DNAI4: variants seen among roughly 807,000 people sequenced by gnomAD.
DNAI4 encodes WD repeat domain 78.
In DNAI4, 85 loss-of-function variants were observed where a neutral mutation model predicts 105.8. The observed-to-expected ratio is 0.80, with a 90% CI of 0.67 to 0.96. DNAI4 has a LOEUF of 0.96. DNAI4 is among the 40% of genes least tolerant of loss of function. DNAI4 has a pLI of 0.00. For synonymous variants in DNAI4, 352 were observed against 331.5 expected (o/e 1.06, Z -0.67); for missense variants, 1,014 against 1,005.6 (o/e 1.01, Z -0.11).
intron 3 of DNAI4, among the ~76,000 whole-genome samples, 158 bp downstream of exon 3, chr1:66,893,071 A>AAGAAAAAG (rs1557965433): frequency 9.0e-5 from 11 of 122,454 alleles, no homozygotes; most frequent in African/African-American, 9.8e-5. Context: ...GAGAGAAAGA[A>AAGAAAAAG]AGAAAGAAAG....
intron 6 of DNAI4, among the ~76,000 whole-genome samples, chr1:66,864,994 T>C (rs1413804690): frequency 6.6e-6 from 1 of 152,220 alleles, no homozygotes; most frequent in Non-Finnish European, 1.5e-5. Flanking sequence ...GGTGAGTACA[T>C]GGTATTGATT....
chr1:66,855,358 C>G (rs1437930432), intron 7 of DNAI4, among the ~76,000 whole-genome samples: 1 of 152,154 alleles, frequency 6.6e-6, no homozygotes, highest in Non-Finnish European at 1.5e-5. Flanking sequence ...ATGCCTCCTT[C>G]TGAGATCTGT....
intron 1 of DNAI4, among the ~76,000 whole-genome samples, chr1:66,908,769 C>T (rs1649442838): frequency 1.3e-5 from 2 of 152,122 alleles, no homozygotes; most frequent in Non-Finnish European, 2.9e-5. Context: ...CCTTAATGTG[C>T]CAGCAATCTG....
intron 1 of DNAI4, among the ~76,000 whole-genome samples, chr1:66,914,552 C>T (rs1187455804): frequency 2.0e-5 from 3 of 152,138 alleles, no homozygotes; most frequent in Non-Finnish European, 4.4e-5. Context: ...CCTTCTAGCA[C>T]ATAAAACTTT....
intron 12 of DNAI4, 113 bp from the exon 13 acceptor site, chr1:66,833,819 T>A: frequency 7.0e-7 from 1 of 1,432,382 alleles, no homozygotes; most frequent in Non-Finnish European, 9.3e-7. Flanking sequence ...AACTTTTGCA[T>A]GTAATTAGGC....
intron 5 of DNAI4, 120 bp downstream of exon 5, chr1:66,874,661 C>T: frequency 2.3e-6 from 2 of 880,208 alleles, no homozygotes; most frequent in Non-Finnish European, 3.3e-6. Context: ...TACAGTCTCC[C>T]CCCAAACCCC....
chr1:66,847,553 C>A lies in DNAI4; in HGVS notation c.1222G>T (p.Glu408Ter). 1.2e-6 allele frequency: 2 copies of A among 1,613,948 alleles called. No homozygotes were observed. Among genetic ancestry groups the A allele is most frequent in the Middle Eastern group, 3.3e-4 (2 of 6,058 alleles). ...AATATATTTTCCATCAGAACCCGTT[C>A]CATAAAAAATAAGTCCTGATGAAAT... ...DKFHQDLFFM[E>*]RVLMENIFQP... Residue 408 changes from glutamate to a stop codon, truncating the protein, a stop_gained, in exon 8 of 17, where the codon GAA becomes TAA. Transcript: ENST00000371026. LOFTEE classifies it high-confidence loss of function.
chr1:66,879,270 G>A (rs1364130120), intron 4 of DNAI4, among the ~76,000 whole-genome samples: 2 of 152,138 alleles, frequency 1.3e-5, no homozygotes, highest in Non-Finnish European at 2.9e-5. Context: ...TGTCATATAA[G>A]TAGAATCAGA....
chr1:66,846,644 C>T (rs1010430256), intron 8 of DNAI4, among the ~76,000 whole-genome samples: 1 of 152,110 alleles, frequency 6.6e-6, no homozygotes, highest in East Asian at 1.9e-4. Flanking sequence ...ACACTTTGAG[C>T]TTTGTAATTT....
chr1:66,813,182 G>C lies in DNAI4; in HGVS notation c.*948C>G, dbSNP rs1239626874. 2 of 152,248 alleles carry C rather than the reference G, an allele frequency of 1.3e-5. No individual in the cohort carries two copies. Among genetic ancestry groups the C allele is most frequent in the Non-Finnish European group, 2.9e-5 (2 of 68,026 alleles). 9.4% of individuals were successfully genotyped at this position (152,248 alleles called of 1,614,324 possible). A position where few individuals can be genotyped will look rare whatever the true frequency, so the allele number is the denominator to read the frequency against. On this transcript the variant is annotated 3_prime_UTR_variant, in exon 17 of 17. Transcript: ENST00000371026. ...ACATATTTTTTTTCCAGAGAGTTTAGTGAATTTCATATGCCCTATCGTCTC... is the reference window on the plus strand; with the variant it reads ...ACATATTTTTTTTCCAGAGAGTTTACTGAATTTCATATGCCCTATCGTCTC...
At position 66,821,091 on chromosome 1, in the gene DNAI4, C is replaced by CTTTTT. The variant is rs55811909; in HGVS notation, c.2496+1265_2496+1269dup. On this transcript the variant is annotated intron_variant, in intron 16 of 16. Coordinates refer to ENST00000371026, the MANE Select transcript of DNAI4 (RefSeq NM_024763.5). ...GAATCAATATTCTCTAAACATTTCT[C>CTTTTT]TTTTTTTTTTTTTTTTTTTTTTTTT... Among the ~76,000 whole-genome samples the CTTTTT allele has an allele frequency of 8.2e-4, 66 of 80,288 alleles. 1 individual carries two copies. Among genetic ancestry groups the CTTTTT allele is most frequent in the African/African-American group, 9.7e-4 (19 of 19,498 alleles). 52.7% of individuals were successfully genotyped at this position (80,288 alleles called of 152,430 possible).
intron 5 of DNAI4, among the ~76,000 whole-genome samples, chr1:66,872,822 C>T (rs1032386383): frequency 3.3e-5 from 5 of 152,028 alleles, no homozygotes; most frequent in East Asian, 3.9e-4. Flanking sequence ...AAGCAATTCT[C>T]GTGCCTCAGC....
intron 7 of DNAI4, among the ~76,000 whole-genome samples, chr1:66,857,875 C>T (rs758860132): frequency 2.5e-4 from 38 of 151,612 alleles, no homozygotes; most frequent in Non-Finnish European, 4.9e-4. Context: ...CGTGAGCCAC[C>T]GCACCCGGCC....
At chr1:66,881,330 A>C (rs1246683496) in intron 4 of DNAI4, among the ~76,000 whole-genome samples, 1 of 152,194 alleles carries the variant, frequency 6.6e-6, no homozygotes, top group Non-Finnish European at 1.5e-5. Context: ...GTGCCAGGAA[A>C]AGCCATAGAC....
At chr1:66,899,660 C>T (rs1648642217) in intron 2 of DNAI4, among the ~76,000 whole-genome samples, 1 of 152,180 alleles carries the variant, frequency 6.6e-6, no homozygotes, top group African/African-American at 2.4e-5. Flanking sequence ...AATCCAAGGT[C>T]TTACCCCTAT....
At chr1:66,907,443 C>T (rs72671691) in intron 1 of DNAI4, among the ~76,000 whole-genome samples, 8,134 of 152,144 alleles carry the variant, frequency 0.053, 383 homozygotes, top group East Asian at 0.24. Flanking sequence ...AACATTTTGC[C>T]CTACTATCCT....
chr1:66,835,885 T>G (rs1426422901), intron 10 of DNAI4, 108 bp from the exon 11 acceptor site: 1 of 880,466 alleles, frequency 1.1e-6, no homozygotes, highest in Non-Finnish European at 1.8e-6. Context: ...GTGAGCAGAG[T>G]TAGCCCACAT....
chr1:66,853,120 C>T (rs190818837), intron 7 of DNAI4, among the ~76,000 whole-genome samples: 2 of 152,266 alleles, frequency 1.3e-5, no homozygotes, highest in East Asian at 1.9e-4. Context: ...ACAGCAAAAA[C>T]GTATTACTCA....
At chr1:66,830,046 T>G (rs570966954) in intron 13 of DNAI4, among the ~76,000 whole-genome samples, 50 of 152,250 alleles carry the variant, frequency 3.3e-4, no homozygotes, top group Admixed American at 9.2e-4. Flanking sequence ...TCAGAATTTT[T>G]GGGATGCTGC....
Sources: allele counts gnomAD v4.1 joint callset (sites outside exome capture counted in the v4.1 genomes callset), GRCh38; gene constraint gnomAD v4.1.1; transcripts MANE v1.5; gene names NCBI Gene and HGNC (gene_info 2026-07-23, HGNC 2026-07-21).